PACS1: variants seen among roughly 807,000 people sequenced by gnomAD.
The protein encoded by PACS1 is PACS-1.
PACS1 carries 24 observed loss-of-function variants against 115.0 expected under a neutral mutation model. That is an observed-to-expected ratio of 0.21 (90% CI 0.15 to 0.29). The LOEUF is 0.29. Ranked by LOEUF, PACS1 falls within the 10% of genes least tolerant of loss-of-function variation. The pLI is 1.00. For missense variants in PACS1, 838 were observed against 1,251.2 expected (o/e 0.67, Z 4.98); for synonymous variants, 453 against 504.5 (o/e 0.90, Z 1.37).
At chr11:66,094,725 C>T (rs1298615642) in intron 1 of PACS1, among the ~76,000 whole-genome samples, 170 of 152,218 alleles carry the variant, frequency 1.1e-3, no homozygotes, top group Non-Finnish European at 1.6e-3. Flanking sequence ...ATACCAAAGC[C>T]GGGCAGAGAC....
At chr11:66,197,219 C>T (rs147113744) in intron 2 of PACS1, among the ~76,000 whole-genome samples, 1 of 151,864 alleles carries the variant, frequency 6.6e-6, no homozygotes, top group East Asian at 1.9e-4. Flanking sequence ...TCCTGTATAC[C>T]CCACCCAGCT....
At chr11:66,114,067 T>C (rs1479102643) in intron 1 of PACS1, among the ~76,000 whole-genome samples, 1 of 151,978 alleles carries the variant, frequency 6.6e-6, no homozygotes. Flanking sequence ...TACATAGACA[T>C]TGTTTACGTA....
intron 1 of PACS1, among the ~76,000 whole-genome samples, chr11:66,118,137 A>AG (rs1858347982): frequency 6.6e-6 from 1 of 152,182 alleles, no homozygotes; most frequent in South Asian, 2.1e-4. Flanking sequence ...CCTGGCTTTG[A>AG]GGTAGGTATA....
intron 19 of PACS1, chr11:66,238,175 C>T: frequency 1.0e-6 from 1 of 985,362 alleles, no homozygotes; most frequent in Non-Finnish European, 1.2e-6. Flanking sequence ...CCCCCCCACC[C>T]CCATTCAGTA....
At chr11:66,204,337 T>C (rs969006918) in intron 2 of PACS1, among the ~76,000 whole-genome samples, 1 of 152,188 alleles carries the variant, frequency 6.6e-6, no homozygotes, top group African/African-American at 2.4e-5. Context: ...AAAACTACAA[T>C]GAGATATCAT....
intron 22 of PACS1, among the ~76,000 whole-genome samples, chr11:66,242,298 C>T (rs181194549): frequency 3.9e-5 from 6 of 152,336 alleles, no homozygotes; most frequent in Admixed American, 2.6e-4. Context: ...ACCCCAACCC[C>T]GCCTCCTTTG....
At chr11:66,138,565 G>A (rs1189866553) in intron 1 of PACS1, among the ~76,000 whole-genome samples, 1 of 152,040 alleles carries the variant, frequency 6.6e-6, no homozygotes, top group African/African-American at 2.4e-5. Flanking sequence ...TTTGTACCCT[G>A]GGTCCCTTGC....
At chr11:66,104,185 T>C (rs899689807) in intron 1 of PACS1, among the ~76,000 whole-genome samples, 29 of 152,124 alleles carry the variant, frequency 1.9e-4, no homozygotes, top group African/African-American at 6.3e-4. Context: ...ATAGAGGGAA[T>C]AACACATGGA....
chr11:66,144,975 C>T (rs895744887), intron 1 of PACS1, among the ~76,000 whole-genome samples: 3 of 152,098 alleles, frequency 2.0e-5, no homozygotes. Context: ...ACTTACAGTG[C>T]ACTTTTATGT....
chr11:66,108,059 G>T (rs971422081), intron 1 of PACS1, among the ~76,000 whole-genome samples: 3 of 152,158 alleles, frequency 2.0e-5, no homozygotes, highest in Non-Finnish European at 4.4e-5. Flanking sequence ...AACCCAGCAA[G>T]GCTCATTTTC....
intron 1 of PACS1, among the ~76,000 whole-genome samples, chr11:66,177,347 A>G (rs112687270): frequency 0.028 from 4,315 of 152,110 alleles, 233 homozygotes; most frequent in African/African-American, 0.098. Context: ...ATGCGCCACC[A>G]TGCCTGGCTA....
chr11:66,102,990 C>T (rs556650537), intron 1 of PACS1, among the ~76,000 whole-genome samples: 109 of 151,972 alleles, frequency 7.2e-4, no homozygotes, highest in Non-Finnish European at 1.4e-3. Context: ...GCCACCACGC[C>T]CAGCTAATTT....
chr11:66,238,887 G>A, intron 20 of PACS1, 41 bp downstream of exon 20: 2 of 1,537,530 alleles, frequency 1.3e-6, no homozygotes, highest in Non-Finnish European at 1.8e-6. Flanking sequence ...TGAGGCTGGT[G>A]CCCTCCCTGT....
At chr11:66,148,508 A>G (rs746623540) in intron 1 of PACS1, among the ~76,000 whole-genome samples, 2 of 152,240 alleles carry the variant, frequency 1.3e-5, no homozygotes, top group Non-Finnish European at 2.9e-5. Context: ...AAGAACACAT[A>G]TCATAGAAAC....
intron 2 of PACS1, among the ~76,000 whole-genome samples, chr11:66,208,671 A>AG (rs939796117): frequency 1.0e-4 from 15 of 143,348 alleles, no homozygotes; most frequent in Non-Finnish European, 2.0e-4. Flanking sequence ...AAAAAAAAAA[A>AG]AAGAAGAAGA....
chr11:66,085,526 ATTTG>A (rs1196082127), intron 1 of PACS1, among the ~76,000 whole-genome samples: 3 of 152,178 alleles, frequency 2.0e-5, no homozygotes, highest in Non-Finnish European at 4.4e-5. Flanking sequence ...CTGGGTTTTC[ATTTG>A]TTTCTTTCAT....
At chr11:66,114,002 G>A (rs1180037856) in intron 1 of PACS1, among the ~76,000 whole-genome samples, 2 of 152,066 alleles carry the variant, frequency 1.3e-5, no homozygotes, top group African/African-American at 2.4e-5. Flanking sequence ...TTAAGAGTTC[G>A]GCAGACATTC....
chr11:66,096,750 A>G (rs1185345755), intron 1 of PACS1, among the ~76,000 whole-genome samples: 1 of 151,022 alleles, frequency 6.6e-6, no homozygotes, highest in African/African-American at 2.4e-5. Flanking sequence ...TGATCTGCCC[A>G]CCTCGGCCTC....
chr11:66,154,979 C>T (rs1468335065), intron 1 of PACS1, among the ~76,000 whole-genome samples: 6 of 152,120 alleles, frequency 3.9e-5, no homozygotes, highest in Non-Finnish European at 2.9e-5. Context: ...AGAAAGAGAT[C>T]CACACGTAAA....
Sources: allele counts gnomAD v4.1 joint callset (sites outside exome capture counted in the v4.1 genomes callset), GRCh38; gene constraint gnomAD v4.1.1; transcripts MANE v1.5; gene names NCBI Gene and HGNC (gene_info 2026-07-23, HGNC 2026-07-21).